The following CHD2 variants were observed in gnomAD, a reference collection of about 807,000 sequenced individuals.
CHD2 encodes the protein chromodomain helicase DNA binding protein 2.
CHD2 carries 28 observed loss-of-function variants against 243.9 expected under a neutral mutation model. The observed-to-expected ratio is 0.11, with a 90% CI of 0.09 to 0.16. The LOEUF is 0.16. CHD2 is among the 10% of genes least tolerant of loss of function. The probability of loss-of-function intolerance (pLI) is 1.00; values close to 1 mark genes in which losing one functional copy is unlikely to be tolerated. For synonymous variants in CHD2, 775 were observed against 779.0 expected, an observed-to-expected ratio of 0.99 and a Z score of 0.09; for missense variants, 1,386 against 2,209.8, an observed-to-expected ratio of 0.63 and a Z score of 7.47.
intron 37 of CHD2, 143 bp downstream of exon 37, chr15:93,015,052 G>A (rs1459873687): frequency 1.4e-6 from 1 of 696,732 alleles, no homozygotes; most frequent in African/African-American, 1.8e-5. Context: ...CTTAATGAGA[G>A]AAAGCATGAA....
chr15:92,961,932 G>T (rs1240448654), intron 16 of CHD2, among the ~76,000 whole-genome samples: 1 of 137,192 alleles, frequency 7.3e-6, no homozygotes, highest in East Asian at 2.2e-4. Context: ...GCCCAGGCTG[G>T]AGTGCAGGGT....
intron 17 of CHD2, among the ~76,000 whole-genome samples, chr15:92,969,797 A>G (rs2053816306): frequency 6.6e-6 from 1 of 150,536 alleles, no homozygotes; most frequent in South Asian, 2.1e-4. Context: ...AATAGTAAAA[A>G]CAGGTTAAGA....
intron 28 of CHD2, among the ~76,000 whole-genome samples, chr15:92,995,104 C>G (rs903777631): frequency 1.3e-5 from 2 of 152,128 alleles, no homozygotes; most frequent in Non-Finnish European, 1.5e-5. Context: ...TGCTGAAATG[C>G]GAAGTGTGAT....
chr15:92,923,238 CT>C (rs1031751452), intron 2 of CHD2, among the ~76,000 whole-genome samples: 5 of 152,062 alleles, frequency 3.3e-5, no homozygotes, highest in Middle Eastern at 3.2e-3. Context: ...CATTCTTCCT[CT>C]TTGGGTGAGA....
intron 32 of CHD2, among the ~76,000 whole-genome samples, chr15:93,001,560 A>G (rs1214818317): frequency 6.6e-6 from 1 of 152,158 alleles, no homozygotes; most frequent in African/African-American, 2.4e-5. Flanking sequence ...TTTGTCACCC[A>G]GGGTAGAGTG....
rs57995034 is a variant in CHD2 at position 93,019,934 on chromosome 15, C to CAAA, written c.4907-67_4907-65dup. 0.032 allele frequency: 44,244 copies of CAAA among 1,387,940 alleles called. 8 individuals carry two copies. The highest frequency in any genetic ancestry group is 0.038 in the Non-Finnish European group (39,308 of 1,039,024). 86.0% of individuals were successfully genotyped at this position (1,387,940 alleles called of 1,614,324 possible). A position where few individuals can be genotyped will look rare whatever the true frequency, so the allele number is the denominator to read the frequency against. On this transcript the variant is annotated intron_variant, in intron 37 of 38. Transcript: ENST00000394196. ...GGCAAACAGAGCACGACTCCATCTC[C>CAAA]AAAAAAAAAAAAATTGTAGTGAAAG...
At chr15:92,961,876 C>CTTTTTTTTTTTTTTT (rs3064790) in intron 16 of CHD2, among the ~76,000 whole-genome samples, 4 of 78,622 alleles carry the variant, frequency 5.1e-5, no homozygotes, top group Non-Finnish European at 7.1e-5. Flanking sequence ...TTTTTCTTCT[C>CTTTTTTTTTTTTTTT]TTTTTTTTTT....
intron 20 of CHD2, 90 bp downstream of exon 20, chr15:92,975,040 C>A: frequency 9.8e-7 from 1 of 1,018,186 alleles, no homozygotes; most frequent in Non-Finnish European, 1.5e-6. Flanking sequence ...GTTTCAGAAA[C>A]AATTTATAGT....
At chr15:92,918,790 G>A (rs991176409) in intron 2 of CHD2, among the ~76,000 whole-genome samples, 1 of 151,252 alleles carries the variant, frequency 6.6e-6, no homozygotes. Flanking sequence ...ATATACACAT[G>A]TACGCTATAT....
intron 13 of CHD2, among the ~76,000 whole-genome samples, chr15:92,951,794 A>G (rs1213676331): frequency 2.0e-5 from 3 of 152,228 alleles, no homozygotes; most frequent in Non-Finnish European, 4.4e-5. Flanking sequence ...CCTGAGATGT[A>G]TAGGGGTATG....
At chr15:92,955,642 G>A (rs1306435280) in intron 15 of CHD2, 130 bp downstream of exon 15, 9 of 524,002 alleles carry the variant, frequency 1.7e-5, no homozygotes, top group Admixed American at 1.7e-4. Flanking sequence ...ACAAATGGTA[G>A]GGTCTGTACC....
Position 92,949,038 on chromosome 15 carries a change from G to T in CHD2, c.1464G>T (p.Gln488His). Residue 488 changes from glutamine (Q) to histidine (H), a missense_variant, in exon 13 of 39, where the codon CAG becomes CAT. By Grantham distance (24) the Gln-to-His change is conservative. Coordinates refer to ENST00000394196, the MANE Select transcript of CHD2 (RefSeq NM_001271.4). ...AGAATCTGGAACTTCGAGATTATCA[G>T]CTAGAAGGTCTAAACTGGCTAGCTC... ...GGENLELRDY[Q>H]LEGLNWLAHS... The T allele has an allele frequency of 6.2e-7, 1 of 1,614,102 alleles. No homozygotes were observed. The highest frequency in any genetic ancestry group is 8.5e-7 in the Non-Finnish European group (1 of 1,179,976).
At chr15:92,924,228 A>G (rs992116960) in intron 2 of CHD2, 93 bp from the exon 3 acceptor site, 7 of 1,040,848 alleles carry the variant, frequency 6.7e-6, no homozygotes, top group African/African-American at 1.6e-5. Flanking sequence ...TAAAATTACT[A>G]TCTGCAAATG....
In CHD2 at chr15:93,000,519, TAAA is replaced by T. The variant is rs757720234; in HGVS notation, c.4017_4019del (p.Lys1341del). 6.2e-6 allele frequency: 10 copies of T among 1,607,402 alleles called. No individual in the cohort carries two copies. In the South Asian group the frequency reaches 1.1e-4, roughly 18 times the overall value. On this transcript the variant is annotated inframe_deletion, in exon 32 of 39. Transcript: ENST00000394196. Reference sequence around the variant, plus strand: ...TTTTCTCTCCTTTTCCAGGCCAAATTAAAGAAGCGGAAGCCTCGGGTAAAGAAG... The same window carrying T: ...TTTTCTCTCCTTTTCCAGGCCAAATTGAAGCGGAAGCCTCGGGTAAAGAAG...
At chr15:92,986,428 A>G (rs1213787883) in intron 26 of CHD2, among the ~76,000 whole-genome samples, 1 of 152,014 alleles carries the variant, frequency 6.6e-6, no homozygotes, top group Non-Finnish European at 1.5e-5. Flanking sequence ...GTTTCTTTTC[A>G]CTTAAAGGTC....
chr15:92,924,449 C>T lies in CHD2; in HGVS notation c.191C>T (p.Ser64Leu), dbSNP rs759974626. 4 of 1,613,946 alleles carry T rather than the reference C, an allele frequency of 2.5e-6. No individual in the cohort carries two copies. Among genetic ancestry groups the T allele is most frequent in the Non-Finnish European group, 1.7e-6 (2 of 1,180,028 alleles). ...NSSSESSESQ[S>L]ESESESAGSK... Reference sequence around the variant, plus strand: ...AGCTCTGAATCTTCTGAGAGTCAGTCGGAATCTGAGAGCGAATCAGCAGGT... The same window carrying T: ...AGCTCTGAATCTTCTGAGAGTCAGTTGGAATCTGAGAGCGAATCAGCAGGT... Residue 64 changes from serine to leucine, a missense_variant, in exon 3 of 39, where the codon TCG (serine) becomes TTG (leucine). By Grantham distance (145) the Ser-to-Leu change is moderately radical. Transcript: ENST00000394196.
chr15:93,020,008 G>T lies in CHD2; in HGVS notation c.4907-4G>T, dbSNP rs1328957619. 6.2e-7 allele frequency: 1 copy of T among 1,605,780 alleles called. No individual in the cohort carries two copies. Among genetic ancestry groups the T allele is most frequent in the Admixed American group, 1.7e-5 (1 of 59,558 alleles). On this transcript the variant is annotated splice_polypyrimidine_tract_variant and splice_region_variant and intron_variant, in intron 37 of 38. Coordinates refer to ENST00000394196, the MANE Select transcript of CHD2 (RefSeq NM_001271.4). Reference sequence around the variant, plus strand: ...TCATCAGATCATTCTTTCTTTTCCTGCAGATCGAGGAGACTGGCAGAGGGA... The same window carrying T: ...TCATCAGATCATTCTTTCTTTTCCTTCAGATCGAGGAGACTGGCAGAGGGA...
chr15:92,967,627 G>A (rs878904579), intron 17 of CHD2, 114 bp downstream of exon 17: 5 of 636,412 alleles, frequency 7.9e-6, no homozygotes, highest in East Asian at 3.5e-5. Flanking sequence ...ACAGAGTCTC[G>A]CGATTCTGCT....
At chr15:92,908,155 T>G (rs2052657244) in intron 2 of CHD2, among the ~76,000 whole-genome samples, 1 of 150,136 alleles carries the variant, frequency 6.7e-6, no homozygotes, top group African/African-American at 2.5e-5. Flanking sequence ...TCCCCCAAGC[T>G]GATAATTATT....
Sources: allele counts gnomAD v4.1 joint callset (sites outside exome capture counted in the v4.1 genomes callset), GRCh38; gene constraint gnomAD v4.1.1; transcripts MANE v1.5; gene names NCBI Gene and HGNC (gene_info 2026-07-23, HGNC 2026-07-21).